GRB2: variants seen among roughly 807,000 people sequenced by gnomAD.
GRB2 encodes the protein growth factor receptor-bound protein 2.
GRB2 carries 2 observed loss-of-function variants against 27.4 expected under a neutral mutation model. The observed-to-expected ratio is 0.07, with a 90% CI of 0.03 to 0.23. GRB2 has a LOEUF of 0.23. Among genes scored for constraint, GRB2 ranks in the 10% least tolerant of loss-of-function variants. The pLI is 1.00. For synonymous variants in GRB2, 94 were observed against 99.6 expected, an observed-to-expected ratio of 0.94 and a Z score of 0.33; for missense variants, 102 against 282.4, an observed-to-expected ratio of 0.36 and a Z score of 4.58.
intron 4 of GRB2, among the ~76,000 whole-genome samples, 197 bp from the exon 5 acceptor site, chr17:75,322,024 C>T (rs2078463655): frequency 1.3e-5 from 2 of 152,162 alleles, no homozygotes; most frequent in African/African-American, 4.8e-5. Context: ...GGACAACATC[C>T]AGAAACCAGA....
chr17:75,402,742 T>A (rs2079071456), intron 1 of GRB2, among the ~76,000 whole-genome samples: 1 of 152,182 alleles, frequency 6.6e-6, no homozygotes, highest in Non-Finnish European at 1.5e-5. Flanking sequence ...AAAATTTGCA[T>A]TCCAGATAAT....
chr17:75,361,833 G>T (rs1190207614), intron 2 of GRB2, among the ~76,000 whole-genome samples: 1 of 151,630 alleles, frequency 6.6e-6, no homozygotes, highest in Non-Finnish European at 1.5e-5. Context: ...GAGATGAGAG[G>T]ATTGCTTGAG....
Position 75,370,161 on chromosome 17 carries a change from T to C in GRB2, c.78+23390A>G, listed in dbSNP as rs138922467. 3.5e-3 allele frequency among the ~76,000 whole-genome samples: 532 copies of C among 152,302 alleles called. 4 individuals carry two copies. The highest frequency in any genetic ancestry group is 0.011 in the African/African-American group (445 of 41,568). On this transcript the variant is annotated intron_variant, in intron 2 of 5. Transcript: ENST00000316804. ...TATGGTTAGCTGTTAACAGAGGTCA[T>C]TGATGCAACGTTCAAGCTCCAAGGC...
chr17:75,352,924 G>C (rs1168330086), intron 2 of GRB2, among the ~76,000 whole-genome samples: 1 of 148,654 alleles, frequency 6.7e-6, no homozygotes, highest in East Asian at 2.0e-4. Context: ...AGTGGCTCAC[G>C]CCTGTAATCC....
intron 2 of GRB2, among the ~76,000 whole-genome samples, chr17:75,386,051 A>C (rs2078961780): frequency 6.6e-6 from 1 of 152,328 alleles, no homozygotes; most frequent in South Asian, 2.1e-4. Context: ...TAGGTGGTAT[A>C]TACATAATTG....
intron 2 of GRB2, chr17:75,339,182 A>C: frequency 3.3e-6 from 3 of 903,302 alleles, no homozygotes; most frequent in Non-Finnish European, 5.3e-6. Flanking sequence ...AGACAATAAA[A>C]TCCTGAGTTT....
At chr17:75,333,590 T>C (rs1196107895) in intron 2 of GRB2, among the ~76,000 whole-genome samples, 1 of 152,088 alleles carries the variant, frequency 6.6e-6, no homozygotes, top group Non-Finnish European at 1.5e-5. Context: ...AGTGATACAG[T>C]CCTGGATCCC....
intron 2 of GRB2, among the ~76,000 whole-genome samples, chr17:75,389,579 G>C (rs1011994948): frequency 6.6e-6 from 1 of 151,746 alleles, no homozygotes; most frequent in Non-Finnish European, 1.5e-5. Flanking sequence ...GGGCGCGGTG[G>C]CTCACGCCTG....
intron 2 of GRB2, among the ~76,000 whole-genome samples, chr17:75,333,978 G>A (rs892618089): frequency 6.6e-6 from 1 of 152,148 alleles, no homozygotes; most frequent in Non-Finnish European, 1.5e-5. Flanking sequence ...TGAATTGCAT[G>A]TACCAGGCCA....
At position 75,343,851 on chromosome 17, in the gene GRB2, G is replaced by A. The variant is rs569456212; in HGVS notation, c.79-11054C>T. Among the ~76,000 whole-genome samples the A allele has an allele frequency of 2.6e-5, 4 of 152,188 alleles. No homozygotes were observed. In the East Asian group the frequency reaches 7.7e-4, roughly 29 times the overall value. The stretch of plus-strand genomic sequence containing the variant: ...GGAGAAGAAAGGAGAGGAAGGGAGG[G>A]GGCAGGAAGAGACCAACACAGAGAT... On this transcript the variant is annotated intron_variant, in intron 2 of 5. Coordinates refer to ENST00000316804, the MANE Select transcript of GRB2 (RefSeq NM_002086.5).
At chr17:75,339,598 T>C (rs2078606562) in intron 2 of GRB2, among the ~76,000 whole-genome samples, 1 of 150,558 alleles carries the variant, frequency 6.6e-6, no homozygotes, top group African/African-American at 2.4e-5. Flanking sequence ...TATAATGATA[T>C]ATACATTTTC....
intron 2 of GRB2, among the ~76,000 whole-genome samples, chr17:75,369,334 C>T (rs1360360167): frequency 6.6e-6 from 1 of 152,136 alleles, no homozygotes; most frequent in Non-Finnish European, 1.5e-5. Context: ...TAAGCTGGAA[C>T]AGGAGTAGCA....
chr17:75,391,108 G>A (rs920591044), intron 2 of GRB2, among the ~76,000 whole-genome samples: 1 of 151,770 alleles, frequency 6.6e-6, no homozygotes, highest in East Asian at 1.9e-4. Context: ...ACAGTTATGA[G>A]ACAAAGGGCA....
At chr17:75,396,605 C>T (rs921802776) in intron 1 of GRB2, among the ~76,000 whole-genome samples, 8 of 149,306 alleles carry the variant, frequency 5.4e-5, no homozygotes, top group Non-Finnish European at 8.8e-5. Flanking sequence ...CCAGGCTGGT[C>T]TCAAACTCCT....
At chr17:75,366,076 T>C (rs2078817189) in intron 2 of GRB2, among the ~76,000 whole-genome samples, 1 of 152,106 alleles carries the variant, frequency 6.6e-6, no homozygotes, top group African/African-American at 2.4e-5. Context: ...CACCCTACAA[T>C]GTCCAGTAGT....
intron 3 of GRB2, among the ~76,000 whole-genome samples, chr17:75,330,753 G>C (rs568308767): frequency 5.1e-4 from 78 of 151,462 alleles, no homozygotes; most frequent in African/African-American, 1.8e-3. Context: ...GCAAGGGCGA[G>C]AGCTAAGGGG....
chr17:75,373,167 A>C (rs1165536228), intron 2 of GRB2: 3 of 152,360 alleles, frequency 2.0e-5, no homozygotes, highest in East Asian at 3.9e-4. Context: ...GAATCGGTTG[A>C]ACCCAGGAGG....
intron 3 of GRB2, among the ~76,000 whole-genome samples, chr17:75,326,795 T>C (rs2145821499): frequency 6.6e-6 from 1 of 152,312 alleles, no homozygotes; most frequent in Admixed American, 6.5e-5. Flanking sequence ...CTGTGGCTTA[T>C]CAAGAGGAAG....
At chr17:75,376,849 AAAAC>A (rs959972755) in intron 2 of GRB2, among the ~76,000 whole-genome samples, 9 of 151,798 alleles carry the variant, frequency 5.9e-5, no homozygotes, top group Non-Finnish European at 1.2e-4. Context: ...AAAACAAAAC[AAAAC>A]AAACAAACAA....
Sources: gnomAD v4.1 joint callset for allele counts (sites outside exome capture counted in the v4.1 genomes callset) on GRCh38, gnomAD v4.1.1 for gene constraint, MANE v1.5 for transcripts, NCBI Gene and HGNC (gene_info 2026-07-23, HGNC 2026-07-21) for gene names.